The following VAC14 variants were observed in gnomAD, a reference collection of about 807,000 sequenced individuals.
VAC14 encodes protein VAC14 homolog.
VAC14 carries 47 observed loss-of-function variants against 85.3 expected under a neutral mutation model. That is an observed-to-expected ratio of 0.55 (90% CI 0.44 to 0.70). The LOEUF is 0.70. Ranked by LOEUF, VAC14 falls within the 30% of genes least tolerant of loss-of-function variation. The pLI, the probability that VAC14 is intolerant of heterozygous loss-of-function variation, is 0.00. For missense variants in VAC14, 861 were observed against 1,004.3 expected (o/e 0.86, Z 1.93); for synonymous variants, 447 against 430.5 (o/e 1.04, Z -0.47).
chr16:70,801,142 G>T lies in VAC14; in HGVS notation c.-242C>A, dbSNP rs897059782. On this transcript the variant is annotated 5_prime_UTR_variant, in exon 1 of 19. Coordinates refer to ENST00000261776, the MANE Select transcript of VAC14 (RefSeq NM_018052.5). Reference sequence around the variant, plus strand: ...CACTAGCGGGACTCACGAGACAGCGGCCATGTTACTCGAGTCACATGACTC... The same window carrying T: ...CACTAGCGGGACTCACGAGACAGCGTCCATGTTACTCGAGTCACATGACTC... The T allele has an allele frequency of 1.2e-5, 5 of 419,352 alleles. No individual in the cohort carries two copies. The Admixed American group carries it at 1.4e-4, about 12-fold the overall frequency. 26.0% of individuals were successfully genotyped at this position (419,352 alleles called of 1,614,324 possible). A position where few individuals can be genotyped will look rare whatever the true frequency, so the allele number is the denominator to read the frequency against.
intron 13 of VAC14, among the ~76,000 whole-genome samples, chr16:70,740,829 C>T (rs1336098303): frequency 3.3e-5 from 5 of 152,242 alleles, no homozygotes; most frequent in Admixed American, 3.3e-4. Context: ...GCCTTCACCG[C>T]TCTGCGAGGG....
intron 16 of VAC14, chr16:70,696,850 CGCTGGCACCTGCCGGGCTGG>C: frequency 2.8e-6 from 1 of 363,594 alleles, no homozygotes; most frequent in East Asian, 6.6e-5. Flanking sequence ...CAGCATCACC[CGCTGGCACCTGCCGGGCTGG>C]GCCTACTCAG....
intron 9 of VAC14, chr16:70,772,951 T>C (rs568792840): frequency 1.3e-5 from 2 of 152,292 alleles, no homozygotes; most frequent in African/African-American, 2.4e-5. Flanking sequence ...AAAAACATTG[T>C]GTTAAGTGAA....
intron 10 of VAC14, among the ~76,000 whole-genome samples, chr16:70,764,673 A>G (rs2032667376): frequency 2.0e-5 from 3 of 152,258 alleles, no homozygotes; most frequent in South Asian, 2.1e-4. Context: ...TGTAATCAAT[A>G]TAACAGTGAA....
intron 10 of VAC14, chr16:70,769,492 GC>G (rs1191970828): frequency 6.6e-6 from 1 of 152,284 alleles, no homozygotes; most frequent in East Asian, 1.9e-4. Context: ...CTCTGAAGGT[GC>G]CCAGCTCTTG....
chr16:70,742,264 C>T (rs191288260), intron 13 of VAC14, among the ~76,000 whole-genome samples: 1 of 152,176 alleles, frequency 6.6e-6, no homozygotes, highest in Non-Finnish European at 1.5e-5. Context: ...TTGCCCAGGC[C>T]TCCTCCCTGC....
At chr16:70,704,623 G>A (rs1428126095) in intron 14 of VAC14, among the ~76,000 whole-genome samples, 38 of 152,198 alleles carry the variant, frequency 2.5e-4, no homozygotes, top group Non-Finnish European at 5.9e-5. Flanking sequence ...CAGGGCATGA[G>A]GAGGGCCAGC....
rs1280159473 is a variant in VAC14, at chr16:70,692,863, T to C, written c.2144A>G (p.His715Arg). The change falls in exon 18 of 19, where the codon CAC (histidine) becomes CGC (arginine). Residue 715 changes from histidine (H) to arginine (R), a missense_variant. By Grantham distance (29) the His-to-Arg change is conservative (BLOSUM62 0). Coordinates refer to ENST00000261776, the MANE Select transcript of VAC14 (RefSeq NM_018052.5). ...AGGGTTGGGCACGCACTGGAGCCGG[T>C]GCGAGAGCAGCTGGAAGGCGCTGCT... ...PQSSAFQLLS[H>R]RLQCVPNPEL... is the part of the protein sequence containing the mutation. 1.9e-6 allele frequency: 3 copies of C among 1,604,960 alleles called. No individual in the cohort carries two copies. The highest frequency in any genetic ancestry group is 1.3e-5 in the African/African-American group (1 of 75,030).
At chr16:70,794,891 T>C (rs527374310) in intron 1 of VAC14, among the ~76,000 whole-genome samples, 2 of 152,346 alleles carry the variant, frequency 1.3e-5, no homozygotes, top group South Asian at 2.1e-4. Context: ...TAAGGACATT[T>C]TGGTCAACAA....
chr16:70,735,302 C>G (rs2054714960), intron 13 of VAC14, among the ~76,000 whole-genome samples: 1 of 151,612 alleles, frequency 6.6e-6, no homozygotes. Flanking sequence ...CAGGCACAAG[C>G]ACAAGATAGG....
intron 16 of VAC14, among the ~76,000 whole-genome samples, chr16:70,696,324 C>T (rs2053709518): frequency 6.6e-6 from 1 of 152,134 alleles, no homozygotes. Context: ...ACTAGCCTGG[C>T]CAACATGGTG....
At chr16:70,781,528 G>C (rs914272464) in intron 8 of VAC14, among the ~76,000 whole-genome samples, 1 of 152,014 alleles carries the variant, frequency 6.6e-6, no homozygotes, top group Admixed American at 6.5e-5. Flanking sequence ...TGTGAAATGC[G>C]CCTATTTCTT....
intron 14 of VAC14, among the ~76,000 whole-genome samples, chr16:70,723,099 G>A (rs1034714918): frequency 6.6e-6 from 1 of 152,104 alleles, no homozygotes; most frequent in Non-Finnish European, 1.5e-5. Flanking sequence ...GTACACGCCT[G>A]TAATTCCAGC....
intron 12 of VAC14, among the ~76,000 whole-genome samples, chr16:70,755,706 C>G (rs1212833740): frequency 6.6e-6 from 1 of 152,214 alleles, no homozygotes; most frequent in Non-Finnish European, 1.5e-5. Context: ...GACACATGAC[C>G]CACCACGGTT....
intron 1 of VAC14, 73 bp from the exon 2 acceptor site, chr16:70,786,438 A>G (rs538647691): frequency 4.4e-6 from 7 of 1,573,518 alleles, no homozygotes; most frequent in East Asian, 4.5e-5. Context: ...TGGGGCGGCA[A>G]TGAGGAAGGG....
intron 12 of VAC14, chr16:70,747,536 C>G (rs2031010314): frequency 6.6e-6 from 1 of 150,776 alleles, no homozygotes; most frequent in African/African-American, 2.5e-5. Context: ...AATCAGCAAC[C>G]TAATTCCTAA....
intron 9 of VAC14, among the ~76,000 whole-genome samples, chr16:70,774,355 G>A (rs558186550): frequency 6.6e-6 from 1 of 152,110 alleles, no homozygotes; most frequent in South Asian, 2.1e-4. Context: ...AGGGAGTTGC[G>A]CATCATTGGA....
chr16:70,764,771 T>C (rs927062851), intron 10 of VAC14, among the ~76,000 whole-genome samples: 1 of 152,188 alleles, frequency 6.6e-6, no homozygotes, highest in Non-Finnish European at 1.5e-5. Flanking sequence ...TGCACCTCGG[T>C]TCAGAGTAGC....
At chr16:70,784,647 G>T in intron 4 of VAC14, 129 bp downstream of exon 4, 2 of 897,172 alleles carry the variant, frequency 2.2e-6, no homozygotes, top group South Asian at 1.5e-5. Flanking sequence ...TGCACACCAG[G>T]GAGTACATGT....
Sources: allele counts gnomAD v4.1 joint callset (sites outside exome capture counted in the v4.1 genomes callset), GRCh38; gene constraint gnomAD v4.1.1; transcripts MANE v1.5; gene names NCBI Gene and HGNC (gene_info 2026-07-23, HGNC 2026-07-21).